DNAJC1: variants seen among roughly 807,000 people sequenced by gnomAD.
DNAJC1 encodes DnaJ heat shock protein family (Hsp40) member C1, also known as dnaJ homolog subfamily C member 1.
Under a neutral mutation model 76.6 loss-of-function variants are expected in DNAJC1, and 58 were observed. The ratio of observed to expected loss-of-function variants is 0.76; its 90% CI spans 0.61 to 0.94. The LOEUF is 0.94. DNAJC1 is among the 40% of genes least tolerant of loss of function. DNAJC1 has a pLI of 0.00. For synonymous variants in DNAJC1, 258 were observed against 267.9 expected (o/e 0.96, Z 0.36); for missense variants, 689 against 677.3 (o/e 1.02, Z -0.19).
intron 9 of DNAJC1, among the ~76,000 whole-genome samples, chr10:21,779,584 A>G (rs1834500842): frequency 6.6e-6 from 1 of 152,130 alleles, no homozygotes; most frequent in Admixed American, 6.5e-5. Context: ...CCACACCAAA[A>G]CCCCATCTGT....
At chr10:21,933,113 C>A (rs1041528445) in intron 1 of DNAJC1, 1 of 152,174 alleles carries the variant, frequency 6.6e-6, no homozygotes, top group African/African-American at 2.4e-5. Flanking sequence ...ATATAGTAAG[C>A]TAAGGTTAAT....
chr10:21,880,573 G>C (rs1490166137), intron 8 of DNAJC1, among the ~76,000 whole-genome samples: 1 of 152,014 alleles, frequency 6.6e-6, no homozygotes, highest in African/African-American at 2.4e-5. Context: ...AGAGCTCTTG[G>C]GTGACTAGGT....
At chr10:21,960,384 A>G (rs945802540) in intron 1 of DNAJC1, among the ~76,000 whole-genome samples, 3 of 152,214 alleles carry the variant, frequency 2.0e-5, no homozygotes, top group African/African-American at 7.2e-5. Context: ...GAATAAAAAC[A>G]TGTAAGATAT....
chr10:21,859,413 T>G (rs1169983329), intron 8 of DNAJC1, among the ~76,000 whole-genome samples: 1 of 152,178 alleles, frequency 6.6e-6, no homozygotes, highest in East Asian at 1.9e-4. Context: ...AGCCACTCCA[T>G]GAGCACACAG....
chr10:21,823,114 G>A (rs1242795274), intron 8 of DNAJC1, among the ~76,000 whole-genome samples: 2 of 152,046 alleles, frequency 1.3e-5, no homozygotes, highest in African/African-American at 4.8e-5. Context: ...TGTTATTTAG[G>A]TCTTTATTAA....
At chr10:21,797,180 CAAGCACCATTTTGGTG>C (rs899721069) in intron 9 of DNAJC1, among the ~76,000 whole-genome samples, 22 of 152,024 alleles carry the variant, frequency 1.4e-4, no homozygotes, top group African/African-American at 4.8e-4. Flanking sequence ...TTAAGTTTTC[CAAGCACCATTTTGGTG>C]AAAAGACCTT....
intron 7 of DNAJC1, among the ~76,000 whole-genome samples, chr10:21,887,472 A>G (rs1249125515): frequency 1.3e-5 from 2 of 152,194 alleles, no homozygotes; most frequent in African/African-American, 4.8e-5. Flanking sequence ...GCATCACACT[A>G]CCTTACTTCA....
chr10:21,828,061 A>G lies in DNAJC1; in HGVS notation c.979-21962T>C, dbSNP rs570553398. Among the ~76,000 whole-genome samples, 11 of 152,356 alleles carry G rather than the reference A, an allele frequency of 7.2e-5. No individual in the cohort carries two copies. In the South Asian group the frequency reaches 1.9e-3, roughly 26 times the overall value. On this transcript the variant is annotated intron_variant, in intron 8 of 11. Transcript: ENST00000376980. ...TTAATTTACTTCCCCATCAGCGTCAATGAGAGAACCTCTTTTTCCTCCATA... is the reference window on the plus strand; with the variant it reads ...TTAATTTACTTCCCCATCAGCGTCAGTGAGAGAACCTCTTTTTCCTCCATA...
chr10:21,767,213 T>G (rs955856019), intron 9 of DNAJC1, among the ~76,000 whole-genome samples: 1 of 152,166 alleles, frequency 6.6e-6, no homozygotes, highest in African/African-American at 2.4e-5. Context: ...AATCTGTTGA[T>G]GGAGTGGGGC....
At position 21,815,980 on chromosome 10, in the gene DNAJC1, G is replaced by C. The variant is rs527400982; in HGVS notation, c.979-9881C>G. ...GCTGGTCTCGAACTCCTGACCTCAA[G>C]TGATCCGCCTGTATCGGCCTCCCAA... On this transcript the variant is annotated intron_variant, in intron 8 of 11. Transcript: ENST00000376980. Among the ~76,000 whole-genome samples the C allele has an allele frequency of 3.3e-5, 5 of 151,744 alleles. No individual in the cohort carries two copies. In the East Asian group the frequency reaches 9.9e-4, roughly 30 times the overall value.
chr10:21,963,458 ATTGTTT>A (rs1224022667), intron 1 of DNAJC1, among the ~76,000 whole-genome samples: 1 of 152,242 alleles, frequency 6.6e-6, no homozygotes, highest in East Asian at 1.9e-4. Flanking sequence ...GGGTTAAAAG[ATTGTTT>A]TAAGTTAGAT....
At chr10:21,819,310 A>G (rs1448942412) in intron 8 of DNAJC1, among the ~76,000 whole-genome samples, 4 of 152,020 alleles carry the variant, frequency 2.6e-5, no homozygotes, top group African/African-American at 9.7e-5. Flanking sequence ...CTGAGGCAGG[A>G]AAATCACCTG....
intron 7 of DNAJC1, among the ~76,000 whole-genome samples, chr10:21,886,371 T>G (rs1405684144): frequency 6.6e-6 from 1 of 152,076 alleles, no homozygotes; most frequent in Non-Finnish European, 1.5e-5. Flanking sequence ...GGCCAGGACC[T>G]GATGGATTCA....
intron 5 of DNAJC1, 48 bp from the exon 6 acceptor site, chr10:21,918,920 A>G (rs1836996716): frequency 7.3e-7 from 1 of 1,369,030 alleles, no homozygotes; most frequent in Non-Finnish European, 1.0e-6. Context: ...TGAGGAATAT[A>G]CAGAGAAAGT....
intron 9 of DNAJC1, among the ~76,000 whole-genome samples, chr10:21,784,003 A>G (rs1252297237): frequency 6.6e-6 from 1 of 152,250 alleles, no homozygotes; most frequent in African/African-American, 2.4e-5. Flanking sequence ...CAAGGACTTT[A>G]TATCTAAAAC....
At chr10:21,838,955 A>T (rs1045845231) in intron 8 of DNAJC1, among the ~76,000 whole-genome samples, 5 of 152,170 alleles carry the variant, frequency 3.3e-5, no homozygotes, top group African/African-American at 1.2e-4. Flanking sequence ...CTCACTCAAA[A>T]CCGCTCAACT....
intron 8 of DNAJC1, among the ~76,000 whole-genome samples, chr10:21,827,286 CTT>C (rs1256034539): frequency 6.6e-6 from 1 of 152,146 alleles, no homozygotes; most frequent in Non-Finnish European, 1.5e-5. Context: ...GCTATCCACT[CTT>C]TTCCCATTGG....
intron 9 of DNAJC1, among the ~76,000 whole-genome samples, chr10:21,788,479 C>T (rs1476132638): frequency 1.3e-5 from 2 of 152,190 alleles, no homozygotes; most frequent in African/African-American, 4.8e-5. Context: ...CAAACAACTC[C>T]AGTACCCTGC....
chr10:21,852,570 A>C (rs1835773017), intron 8 of DNAJC1, among the ~76,000 whole-genome samples: 1 of 152,186 alleles, frequency 6.6e-6, no homozygotes, highest in African/African-American at 2.4e-5. Flanking sequence ...AAAGACATAC[A>C]ATATCAAGTG....
Sources: allele counts gnomAD v4.1 joint callset (sites outside exome capture counted in the v4.1 genomes callset), GRCh38; gene constraint gnomAD v4.1.1; transcripts MANE v1.5; gene names NCBI Gene and HGNC (gene_info 2026-07-23, HGNC 2026-07-21).